STK4: variants seen among roughly 807,000 people sequenced by gnomAD.
STK4 encodes serine/threonine kinase 4.
STK4 carries 30 observed loss-of-function variants against 64.9 expected under a neutral mutation model. The ratio of observed to expected loss-of-function variants is 0.46; its 90% confidence interval spans 0.35 to 0.63. The LOEUF is 0.63. Among genes scored for constraint, STK4 ranks in the 20% least tolerant of loss-of-function variants. STK4 has a pLI of 0.01. For missense variants in STK4, 466 were observed against 598.5 expected (o/e 0.78, Z 2.31); for synonymous variants, 177 against 199.0 (o/e 0.89, Z 0.93).
At chr20:45,040,158 A>G (rs1173743413) in intron 10 of STK4, among the ~76,000 whole-genome samples, 1 of 151,096 alleles carries the variant, frequency 6.6e-6, no homozygotes, top group Non-Finnish European at 1.5e-5. Flanking sequence ...GTTAGAAACC[A>G]GTGAAGGTCA....
chr20:45,045,076 A>AT (rs2068672358), intron 10 of STK4, among the ~76,000 whole-genome samples: 1 of 152,224 alleles, frequency 6.6e-6, no homozygotes, highest in Admixed American at 6.5e-5. Context: ...TTATAAAAAA[A>AT]TTAACTCTTT....
At chr20:45,017,417 G>A (rs2145362247) in intron 9 of STK4, among the ~76,000 whole-genome samples, 2 of 152,342 alleles carry the variant, frequency 1.3e-5, no homozygotes, top group South Asian at 4.1e-4. Context: ...AGCGTTAAAG[G>A]ATTTGTGAAA....
At chr20:45,069,142 C>T (rs1979837511) in intron 10 of STK4, among the ~76,000 whole-genome samples, 1 of 152,206 alleles carries the variant, frequency 6.6e-6, no homozygotes, top group Admixed American at 6.5e-5. Flanking sequence ...TTAGTACTGT[C>T]AGGCTCGGAG....
At chr20:44,966,740 G>C in intron 1 of STK4, 137 bp downstream of exon 1, 1 of 1,041,320 alleles carries the variant, frequency 9.6e-7, no homozygotes, top group Non-Finnish European at 1.2e-6. Context: ...AGTGAGGGGG[G>C]GGACGTCTGG....
At chr20:45,008,412 G>A (rs1424019840) in intron 9 of STK4, among the ~76,000 whole-genome samples, 1 of 152,026 alleles carries the variant, frequency 6.6e-6, no homozygotes, top group African/African-American at 2.4e-5. Flanking sequence ...ATTCCATGGC[G>A]TATATGTATC....
At position 45,000,426 on chromosome 20, in the gene STK4, T is replaced by C; in HGVS notation, c.866T>C (p.Ile289Thr). The C allele has an allele frequency of 6.2e-7, 1 of 1,614,052 alleles. No individual in the cohort carries two copies. The change falls in exon 8 of 11, where the codon ATA becomes ACA. Residue 289 changes from isoleucine (I) to threonine (T), a missense_variant. Physicochemically the swap from Ile to Thr is moderately conservative, Grantham distance 89 (BLOSUM62 -1). This residue lies in a region of STK4 where 276 missense variants were observed against 308.9 expected (regional missense o/e 0.89). Transcript: ENST00000372806. ...PFVRSAKGVS[I>T]LRDLINEAMD... is the part of the protein sequence containing the mutation. ...GTCAGGAGTGCCAAAGGAGTGTCAA[T>C]ACTGCGAGACTTAATTAATGAAGCC...
At chr20:45,065,892 G>T (rs1979523821) in intron 10 of STK4, among the ~76,000 whole-genome samples, 1 of 151,082 alleles carries the variant, frequency 6.6e-6, no homozygotes, top group Non-Finnish European at 1.5e-5. Context: ...CTTTGATTTT[G>T]GTTATTTATT....
Position 45,026,962 on chromosome 20 carries a change from A to G in STK4, c.1305+1832A>G, listed in dbSNP as rs545875471. On this transcript the variant is annotated intron_variant, in intron 10 of 10. Coordinates refer to ENST00000372806, the MANE Select transcript of STK4 (RefSeq NM_006282.5). ...TGTGCGTCTGTTCCATGTTGCCTGT[A>G]TAGTTGTCTTCAACATGTGTATAAG... Among the ~76,000 whole-genome samples, 475 of 152,308 alleles carry G rather than the reference A, an allele frequency of 3.1e-3. 5 individuals carry two copies. The highest frequency in any genetic ancestry group is 0.011 in the African/African-American group (456 of 41,572).
chr20:45,003,418 A>T (rs573963586), intron 9 of STK4, among the ~76,000 whole-genome samples: 12 of 152,160 alleles, frequency 7.9e-5, no homozygotes, highest in Non-Finnish European at 1.8e-4. Context: ...AGTAAAATTA[A>T]ATTATTACTA....
chr20:45,065,494 A>G (rs1804663375), intron 10 of STK4, among the ~76,000 whole-genome samples: 1 of 152,090 alleles, frequency 6.6e-6, no homozygotes, highest in Non-Finnish European at 1.5e-5. Context: ...ATAGATGGAC[A>G]CCTCATAGAA....
At chr20:45,056,819 A>G (rs1978520641) in intron 10 of STK4, among the ~76,000 whole-genome samples, 2 of 152,338 alleles carry the variant, frequency 1.3e-5, no homozygotes, top group Non-Finnish European at 2.9e-5. Flanking sequence ...AGCGTTCCCT[A>G]AGGCTGAGGG....
intron 10 of STK4, among the ~76,000 whole-genome samples, chr20:45,028,148 A>G (rs1036896557): frequency 2.0e-5 from 3 of 152,180 alleles, no homozygotes; most frequent in Non-Finnish European, 2.9e-5. Flanking sequence ...GCTGGATCAT[A>G]TAGTAGACCT....
intron 10 of STK4, among the ~76,000 whole-genome samples, chr20:45,058,663 G>A (rs1396287741): frequency 3.9e-5 from 6 of 152,094 alleles, no homozygotes; most frequent in Non-Finnish European, 5.9e-5. Flanking sequence ...GAAATTTCCA[G>A]CCCAAGAAAG....
chr20:44,975,330 G>A, intron 2 of STK4: 1 of 984,068 alleles, frequency 1.0e-6, no homozygotes, highest in Non-Finnish European at 1.2e-6. Context: ...TCAGATTACT[G>A]TAGATGCAGT....
intron 10 of STK4, among the ~76,000 whole-genome samples, chr20:45,030,928 G>T (rs2068432070): frequency 6.6e-6 from 1 of 152,088 alleles, no homozygotes; most frequent in Non-Finnish European, 1.5e-5. Context: ...TGGGTGCAGT[G>T]GCTCATACCT....
chr20:45,032,382 A>T (rs1331861702), intron 10 of STK4, among the ~76,000 whole-genome samples: 2 of 152,140 alleles, frequency 1.3e-5, no homozygotes, highest in Non-Finnish European at 2.9e-5. Flanking sequence ...GGTAATAAGC[A>T]TAGTAACCCA....
intron 10 of STK4, among the ~76,000 whole-genome samples, chr20:45,049,762 G>T (rs2068749401): frequency 6.6e-6 from 1 of 152,190 alleles, no homozygotes; most frequent in Non-Finnish European, 1.5e-5. Context: ...AATATGTGAT[G>T]CACAGGATTT....
At chr20:45,037,930 G>A (rs922981568) in intron 10 of STK4, among the ~76,000 whole-genome samples, 2 of 152,098 alleles carry the variant, frequency 1.3e-5, no homozygotes, top group Non-Finnish European at 2.9e-5. Context: ...TAGAAGAAAT[G>A]CTTTATTTGC....
At chr20:44,968,551 C>T (rs1263780117) in intron 1 of STK4, among the ~76,000 whole-genome samples, 2 of 152,210 alleles carry the variant, frequency 1.3e-5, no homozygotes, top group African/African-American at 4.8e-5. Flanking sequence ...TATGAATGCA[C>T]ACTAGTTATG....
Sources: gnomAD v4.1 joint callset for allele counts (sites outside exome capture counted in the v4.1 genomes callset) on GRCh38, gnomAD v4.1.1 for gene constraint, gnomAD v4.1.1 regional missense constraint, MANE v1.5 for transcripts, NCBI Gene and HGNC (gene_info 2026-07-23, HGNC 2026-07-21) for gene names.